The following CYB5R4 variants were observed in gnomAD, a reference collection of about 807,000 sequenced individuals.
CYB5R4 encodes the protein N-terminal cytochrome b5 and cytochrome b5 oxidoreductase domain-containing protein.
A neutral mutation model predicts 70.2 loss-of-function variants in CYB5R4; 55 were observed. The observed-to-expected ratio is 0.78, with a 90% CI of 0.63 to 0.98. CYB5R4 has a LOEUF of 0.98. CYB5R4 is among the 50% of genes least tolerant of loss of function. The probability of loss-of-function intolerance (pLI) is 0.00; values close to 1 mark genes in which losing one functional copy is unlikely to be tolerated. For synonymous variants in CYB5R4, 197 were observed against 199.5 expected (o/e 0.99, Z 0.11); for missense variants, 562 against 612.6 (o/e 0.92, Z 0.87).
Position 83,892,705 on chromosome 6 carries a change from A to G in CYB5R4, c.230-817A>G, listed in dbSNP as rs1588566454. On this transcript the variant is annotated intron_variant, in intron 2 of 15. Transcript: ENST00000369681. Reference sequence around the variant, plus strand: ...GCTTCCTTTTCACAGAGCGTGCCTAAGTGGTCACCATTGCTTAACCTTTGC... The same window carrying G: ...GCTTCCTTTTCACAGAGCGTGCCTAGGTGGTCACCATTGCTTAACCTTTGC... 2.0e-5 allele frequency among the ~76,000 whole-genome samples: 3 copies of G among 152,308 alleles called. No individual in the cohort carries two copies. The East Asian group carries it at 5.8e-4, about 29-fold the overall frequency.
chr6:83,925,379 T>G (rs984319059), intron 10 of CYB5R4, among the ~76,000 whole-genome samples: 1 of 152,130 alleles, frequency 6.6e-6, no homozygotes, highest in Non-Finnish European at 1.5e-5. Context: ...CCTCCAACAC[T>G]GGGGATTACA....
Position 83,914,432 on chromosome 6 carries a change from A to G in CYB5R4, c.429A>G (p.Glu143=), listed in dbSNP as rs1000213251. The part of the protein sequence containing the change: ...PAVLKDYREE[E]KKVLNGMLPK... ...ACTATACAGACTATCGTGAGGAGGA[A>G]AAGAAAGTCTTAAATGGTAAGTCTA... Residue 143 remains glutamate, a synonymous_variant, in exon 5 of 16, where the codon GAA becomes GAG. Coordinates refer to ENST00000369681, the MANE Select transcript of CYB5R4 (RefSeq NM_016230.4). The G allele has an allele frequency of 6.5e-7, 1 of 1,529,420 alleles. No homozygotes were observed. Among genetic ancestry groups the G allele is most frequent in the Non-Finnish European group, 8.9e-7 (1 of 1,123,608 alleles). The allele number at this position is 1,529,420 out of a possible 1,614,324, so 94.7% of individuals were successfully genotyped here.
intron 15 of CYB5R4, 96 bp downstream of exon 15, chr6:83,955,558 G>A: frequency 2.6e-6 from 3 of 1,153,346 alleles, no homozygotes; most frequent in South Asian, 3.7e-5. Context: ...ATATGAAACT[G>A]CACTTTAATA....
chr6:83,922,756 G>A (rs2099466594), intron 9 of CYB5R4, among the ~76,000 whole-genome samples: 1 of 151,828 alleles, frequency 6.6e-6, no homozygotes, highest in Non-Finnish European at 1.5e-5. Context: ...CCCTCCCTCT[G>A]GTTTTGGGTT....
At chr6:83,899,072 G>A (rs1313615253) in intron 3 of CYB5R4, among the ~76,000 whole-genome samples, 1 of 152,142 alleles carries the variant, frequency 6.6e-6, no homozygotes, top group Non-Finnish European at 1.5e-5. Context: ...TCCAGTTTTT[G>A]CCCATTCAGT....
At chr6:83,890,747 C>T (rs2099461001) in intron 2 of CYB5R4, among the ~76,000 whole-genome samples, 1 of 152,110 alleles carries the variant, frequency 6.6e-6, no homozygotes, top group Non-Finnish European at 1.5e-5. Context: ...GCCACCTCAG[C>T]CTTAAGCACC....
intron 14 of CYB5R4, among the ~76,000 whole-genome samples, chr6:83,951,289 G>A (rs928670696): frequency 6.6e-6 from 1 of 151,774 alleles, no homozygotes; most frequent in African/African-American, 2.4e-5. Context: ...CTGTTTTAAG[G>A]CTCTTGATAC....
chr6:83,893,295 AG>A (rs1273565102), intron 2 of CYB5R4, among the ~76,000 whole-genome samples: 26 of 152,294 alleles, frequency 1.7e-4, no homozygotes, highest in African/African-American at 6.3e-4. Context: ...TCTCTGACCT[AG>A]GAGTCTCTTG....
chr6:83,881,418 A>G (rs1243260547), intron 2 of CYB5R4, among the ~76,000 whole-genome samples: 1 of 152,148 alleles, frequency 6.6e-6, no homozygotes, highest in African/African-American at 2.4e-5. Flanking sequence ...CAAGCAGCCC[A>G]CCACTCCTTG....
At chr6:83,864,459 A>G in intron 2 of CYB5R4, 131 bp downstream of exon 2, 1 of 713,506 alleles carries the variant, frequency 1.4e-6, no homozygotes, top group Non-Finnish European at 2.2e-6. Flanking sequence ...GCTTGACAAT[A>G]ACTTATATAA....
chr6:83,944,876 T>A (rs1044636354), intron 14 of CYB5R4, among the ~76,000 whole-genome samples: 1 of 152,124 alleles, frequency 6.6e-6, no homozygotes, highest in Non-Finnish European at 1.5e-5. Context: ...CAAGAAGAGC[T>A]AACTGTCCTA....
intron 10 of CYB5R4, among the ~76,000 whole-genome samples, chr6:83,926,670 G>A (rs1419199628): frequency 6.6e-6 from 1 of 152,084 alleles, no homozygotes; most frequent in Non-Finnish European, 1.5e-5. Flanking sequence ...TGTTTGGTGA[G>A]GGGACACAAT....
chr6:83,950,253 T>C (rs890983282), intron 14 of CYB5R4, among the ~76,000 whole-genome samples: 2 of 152,222 alleles, frequency 1.3e-5, no homozygotes, highest in Non-Finnish European at 2.9e-5. Flanking sequence ...GTTCTAGCAA[T>C]TGGGATTCAA....
chr6:83,928,433 T>G (rs937115724), intron 10 of CYB5R4, among the ~76,000 whole-genome samples: 1 of 152,156 alleles, frequency 6.6e-6, no homozygotes, highest in African/African-American at 2.4e-5. Context: ...ATGAATTTGG[T>G]CTTGAATGAC....
At chr6:83,949,114 C>CTTTTTTTTTTTTTT (rs35294668) in intron 14 of CYB5R4, among the ~76,000 whole-genome samples, 1 of 125,858 alleles carries the variant, frequency 7.9e-6, no homozygotes, top group African/African-American at 2.9e-5. Context: ...GCGTTTTGGG[C>CTTTTTTTTTTTTTT]TTTTTTTTTT....
chr6:83,912,077 A>G (rs1311942977), intron 4 of CYB5R4, among the ~76,000 whole-genome samples: 1 of 148,802 alleles, frequency 6.7e-6, no homozygotes, highest in Non-Finnish European at 1.5e-5. Flanking sequence ...AAAAAAAAAA[A>G]GCCTATTGAC....
chr6:83,906,633 T>C (rs907168368), intron 3 of CYB5R4, among the ~76,000 whole-genome samples: 12 of 152,312 alleles, frequency 7.9e-5, no homozygotes, highest in Admixed American at 4.6e-4. Flanking sequence ...TCCTTTTCAT[T>C]TCTTGCTTTA....
intron 4 of CYB5R4, among the ~76,000 whole-genome samples, chr6:83,911,661 C>T (rs971916994): frequency 2.0e-5 from 3 of 152,096 alleles, no homozygotes; most frequent in African/African-American, 7.2e-5. Flanking sequence ...CTATAGAGTC[C>T]TTTCAAATTT....
At chr6:83,924,349 C>A in intron 9 of CYB5R4, 121 bp from the exon 10 acceptor site, 1 of 934,300 alleles carries the variant, frequency 1.1e-6, no homozygotes, top group Non-Finnish European at 1.5e-6. Flanking sequence ...ATTTATCCCA[C>A]TAATAATCAG....
Sources: gnomAD v4.1 joint callset for allele counts (sites outside exome capture counted in the v4.1 genomes callset) on GRCh38, gnomAD v4.1.1 for gene constraint, MANE v1.5 for transcripts, NCBI Gene and HGNC (gene_info 2026-07-23, HGNC 2026-07-21) for gene names.